The following USP48 variants were observed in gnomAD, a reference collection of about 807,000 sequenced individuals.
USP48 encodes ubiquitin carboxyl-terminal hydrolase 48.
In USP48, 43 loss-of-function variants were observed where a neutral mutation model predicts 150.7. The ratio of observed to expected loss-of-function variants is 0.29; its 90% CI spans 0.22 to 0.37. The LOEUF (loss-of-function observed/expected upper bound fraction) is 0.37. Ranked by LOEUF, USP48 falls within the 10% of genes least tolerant of loss-of-function variation. The pLI is 1.00. For synonymous variants in USP48, 396 were observed against 425.9 expected, an observed-to-expected ratio of 0.93 and a Z score of 0.86; for missense variants, 813 against 1,249.6, an observed-to-expected ratio of 0.65 and a Z score of 5.27.
Position 21,705,733 on chromosome 1 carries a change from G to C in USP48, c.2378C>G (p.Ser793Cys). 6.3e-7 allele frequency: 1 copy of C among 1,599,128 alleles called. No individual in the cohort carries two copies. Among genetic ancestry groups the C allele is most frequent in the African/African-American group, 1.4e-5 (1 of 74,024 alleles). Residue 793 changes from serine (S) to cysteine (C), a missense_variant, in exon 19 of 27, where the codon TCT becomes TGT. Ser to Cys is a moderately radical substitution (Grantham distance 112). Coordinates refer to ENST00000308271, the MANE Select transcript of USP48 (RefSeq NM_032236.8). The stretch of plus-strand genomic sequence containing the variant: ...ATGAAGAGAAGGAACTCACAGTTTA[G>C]AATCTTCTTTGGTCATGGAAGCAAA... ...FTFASMTKED[S>C]KLIALIWPSE... is the part of the protein sequence containing the mutation.
Position 21,757,726 on chromosome 1 carries a change from T to C in USP48, c.192A>G (p.Leu64=), listed in dbSNP as rs1274357328. Residue 64 remains leucine, a synonymous_variant, in exon 2 of 27, where the codon TTA becomes TTG. Transcript: ENST00000308271. ...CLVGIGEHIW[L]GEIDENSFHN... The stretch of plus-strand genomic sequence containing the variant: ...GAAAACTATTTTCATCTATTTCTCC[T>C]AACCAAATATGCTCACCAATACCAA... 1 of 1,613,348 alleles carries C rather than the reference T, an allele frequency of 6.2e-7. No individual in the cohort carries two copies. The highest frequency in any genetic ancestry group is 8.5e-7 in the Non-Finnish European group (1 of 1,179,720).
At chr1:21,680,213 C>A (rs1312888431) in intron 26 of USP48, among the ~76,000 whole-genome samples, 1 of 152,160 alleles carries the variant, frequency 6.6e-6, no homozygotes, top group Non-Finnish European at 1.5e-5. Flanking sequence ...GAGTGGCCAG[C>A]AAAGAATCAA....
Position 21,679,332 on chromosome 1 carries a change from A to T in USP48, c.*85T>A, listed in dbSNP as rs2097558984. 1.3e-6 allele frequency: 2 copies of T among 1,556,750 alleles called. No homozygotes were observed. Among genetic ancestry groups the T allele is most frequent in the African/African-American group, 1.4e-5 (1 of 73,686 alleles). The stretch of plus-strand genomic sequence containing the variant: ...AGGGGCATGTAATGGTTTAATTCTT[A>T]AATCCACCTTTGCTTTAATGCCCTA... On this transcript the variant is annotated 3_prime_UTR_variant, in exon 27 of 27. Coordinates refer to ENST00000308271, the MANE Select transcript of USP48 (RefSeq NM_032236.8).
chr1:21,706,659 G>A (rs41265993), intron 16 of USP48, 70 bp from the exon 17 acceptor site: 126,693 of 1,611,920 alleles, frequency 0.079, 5,771 homozygotes, highest in Non-Finnish European at 0.086. Flanking sequence ...CTACACCCCC[G>A]TCAGAAGTAC....
intron 8 of USP48, among the ~76,000 whole-genome samples, chr1:21,746,048 C>T (rs1429682142): frequency 6.6e-6 from 1 of 152,166 alleles, no homozygotes; most frequent in Non-Finnish European, 1.5e-5. Flanking sequence ...CCAACTTTCC[C>T]AATCATGTCT....
chr1:21,747,641 C>T (rs996210508), intron 7 of USP48, among the ~76,000 whole-genome samples: 3 of 151,970 alleles, frequency 2.0e-5, no homozygotes, highest in Non-Finnish European at 4.4e-5. Flanking sequence ...GGTGCAATCT[C>T]GGCTCACTGC....
chr1:21,733,076 C>T (rs1571899444), intron 9 of USP48, among the ~76,000 whole-genome samples: 1 of 152,148 alleles, frequency 6.6e-6, no homozygotes, highest in East Asian at 1.9e-4. Flanking sequence ...ATTAAAATAC[C>T]AGGAACATGC....
At chr1:21,781,863 A>C (rs1214200322) in intron 1 of USP48, 2 of 152,204 alleles carry the variant, frequency 1.3e-5, no homozygotes, top group Non-Finnish European at 2.9e-5. Context: ...CTTACTGTTA[A>C]AGTCAGATTT....
At chr1:21,772,537 G>A (rs1243766322) in intron 1 of USP48, among the ~76,000 whole-genome samples, 3 of 151,030 alleles carry the variant, frequency 2.0e-5, no homozygotes, top group South Asian at 4.2e-4. Flanking sequence ...GCAGGAGAAC[G>A]GTGTGAACCC....
Position 21,695,045 on chromosome 1 carries a change from T to A in USP48, c.2883+21A>T, listed in dbSNP as rs757072804. ...AGGCCCTTTTAAGTCCAGAGCAAAC[T>A]TGAACAAATGTTTCCCTCACCTGAA... On this transcript the variant is annotated intron_variant, in intron 23 of 26. Transcript: ENST00000308271. 4.4e-6 allele frequency: 7 copies of A among 1,603,612 alleles called. No individual in the cohort carries two copies. In the East Asian group the frequency reaches 1.3e-4, roughly 31 times the overall value.
chr1:21,731,587 T>C (rs1325016972), intron 9 of USP48, among the ~76,000 whole-genome samples: 1 of 149,092 alleles, frequency 6.7e-6, no homozygotes, highest in Non-Finnish European at 1.5e-5. Flanking sequence ...TTTTTAAAAA[T>C]GAAATGAAAT....
chr1:21,728,468 TTAGA>T (rs780905240), intron 11 of USP48, 98 bp downstream of exon 11: 63 of 1,507,752 alleles, frequency 4.2e-5, no homozygotes, highest in Non-Finnish European at 5.5e-5. Context: ...TAGTGGGTTA[TTAGA>T]AAGAGTAAGT....
At chr1:21,758,741 C>T (rs2097842961) in intron 1 of USP48, among the ~76,000 whole-genome samples, 1 of 138,488 alleles carries the variant, frequency 7.2e-6, no homozygotes, top group South Asian at 2.5e-4. Context: ...CAGAGCAAGA[C>T]TCTGTCTTGG....
intron 4 of USP48, 27 bp downstream of exon 4, chr1:21,752,963 TTA>T (rs1557572133): frequency 6.4e-7 from 1 of 1,559,634 alleles, no homozygotes. Context: ...CTCTGAATAT[TTA>T]AAAAAAAAAA....
At chr1:21,752,968 A>G in intron 4 of USP48, 24 bp downstream of exon 4, 2 of 1,573,022 alleles carry the variant, frequency 1.3e-6, no homozygotes, top group Non-Finnish European at 1.7e-6. Flanking sequence ...AATATTTAAA[A>G]AAAAAAAAAA....
intron 15 of USP48, among the ~76,000 whole-genome samples, chr1:21,708,590 T>G (rs2097680212): frequency 6.6e-6 from 1 of 151,526 alleles, no homozygotes; most frequent in South Asian, 2.1e-4. Flanking sequence ...TTTATTTATT[T>G]AATAGAAAAC....
chr1:21,701,651 C>T, intron 21 of USP48, 49 bp from the exon 22 acceptor site: 1 of 1,548,730 alleles, frequency 6.5e-7, no homozygotes, highest in Non-Finnish European at 8.9e-7. Context: ...CCTAGGAAGG[C>T]AGGCTATGGA....
intron 23 of USP48, among the ~76,000 whole-genome samples, chr1:21,693,205 C>T (rs2097608521): frequency 6.6e-6 from 1 of 152,218 alleles, no homozygotes; most frequent in Non-Finnish European, 1.5e-5. Flanking sequence ...CAACTAAACA[C>T]TGCACATCTT....
intron 1 of USP48, among the ~76,000 whole-genome samples, chr1:21,776,292 C>T (rs1191659358): frequency 6.6e-6 from 1 of 152,162 alleles, no homozygotes; most frequent in Non-Finnish European, 1.5e-5. Flanking sequence ...GAAATGTAAA[C>T]AGTCCTGACA....
Sources: allele counts gnomAD v4.1 joint callset (sites outside exome capture counted in the v4.1 genomes callset), GRCh38; gene constraint gnomAD v4.1.1; transcripts MANE v1.5; gene names NCBI Gene and HGNC (gene_info 2026-07-23, HGNC 2026-07-21).